Variants in CNBD1 observed in about 807,000 individuals in gnomAD.
CNBD1 encodes the protein cyclic nucleotide binding domain containing 1.
A neutral mutation model predicts 54.4 loss-of-function variants in CNBD1; 71 were observed. That is an observed-to-expected ratio of 1.30 (90% CI 1.08 to 1.59). The LOEUF (loss-of-function observed/expected upper bound fraction) is 1.59. Ranked by LOEUF, CNBD1 falls within the 40% of genes most tolerant of loss-of-function variation. The pLI is 0.00. For synonymous variants in CNBD1, 182 were observed against 170.7 expected (o/e 1.07, Z -0.51); for missense variants, 659 against 518.0 (o/e 1.27, Z -2.64).
intron 8 of CNBD1, among the ~76,000 whole-genome samples, chr8:87,291,942 T>G (rs1056469250): frequency 2.0e-5 from 3 of 152,192 alleles, no homozygotes; most frequent in Non-Finnish European, 2.9e-5. Context: ...ATATTGTTGA[T>G]GAGTGAATGA....
At chr8:87,309,315 C>T (rs142714448) in intron 8 of CNBD1, among the ~76,000 whole-genome samples, 2 of 152,078 alleles carry the variant, frequency 1.3e-5, no homozygotes, top group Non-Finnish European at 1.5e-5. Context: ...ATTACCAAAT[C>T]ATCTCTGCTT....
At chr8:87,231,850 C>T (rs572591480) in intron 5 of CNBD1, among the ~76,000 whole-genome samples, 9 of 152,012 alleles carry the variant, frequency 5.9e-5, no homozygotes, top group Non-Finnish European at 1.2e-4. Context: ...AATACTGTAT[C>T]CCAGATCCTT....
chr8:87,323,677 G>T (rs926280391), intron 8 of CNBD1, among the ~76,000 whole-genome samples: 1 of 135,830 alleles, frequency 7.4e-6, no homozygotes, highest in African/African-American at 2.7e-5. Flanking sequence ...TGCTGAAGTT[G>T]CTTATCAGCT....
At chr8:86,952,464 T>C (rs986786267) in intron 4 of CNBD1, among the ~76,000 whole-genome samples, 3 of 152,134 alleles carry the variant, frequency 2.0e-5, no homozygotes, top group Non-Finnish European at 2.9e-5. Flanking sequence ...GTACCATTTA[T>C]GGAATGGAGA....
chr8:87,043,865 T>C (rs1268851778), intron 4 of CNBD1, among the ~76,000 whole-genome samples: 5 of 152,228 alleles, frequency 3.3e-5, no homozygotes, highest in African/African-American at 1.2e-4. Context: ...TGCTATTTCA[T>C]CCCTGCCCTG....
chr8:87,422,723 G>C (rs1329270927), intron 2 of CNBD1, among the ~76,000 whole-genome samples: 1 of 152,106 alleles, frequency 6.6e-6, no homozygotes, highest in Non-Finnish European at 1.5e-5. Flanking sequence ...CTCCAGCTTT[G>C]TTCTTTTGGC....
intron 4 of CNBD1, among the ~76,000 whole-genome samples, chr8:87,193,219 G>C (rs1474335645): frequency 2.0e-5 from 3 of 152,148 alleles, no homozygotes; most frequent in Non-Finnish European, 4.4e-5. Flanking sequence ...TGAGCCTCAT[G>C]TTAATATTTG....
At chr8:87,335,592 G>A (rs182145719) in intron 8 of CNBD1, among the ~76,000 whole-genome samples, 11 of 151,650 alleles carry the variant, frequency 7.3e-5, no homozygotes, top group African/African-American at 2.2e-4. Flanking sequence ...TTGAGCCTAC[G>A]TGTGTCTTTG....
chr8:87,224,430 G>A (rs1194865777), intron 5 of CNBD1, among the ~76,000 whole-genome samples: 1 of 151,642 alleles, frequency 6.6e-6, no homozygotes. Flanking sequence ...TAAGGCGTAA[G>A]GAAGGGATCC....
At chr8:87,310,355 A>T (rs796216344) in intron 8 of CNBD1, among the ~76,000 whole-genome samples, 2 of 152,154 alleles carry the variant, frequency 1.3e-5, no homozygotes, top group African/African-American at 4.8e-5. Flanking sequence ...ACACTGTCTT[A>T]AAAAAATGCA....
At chr8:87,053,186 T>C (rs1194687701) in intron 4 of CNBD1, among the ~76,000 whole-genome samples, 1 of 152,244 alleles carries the variant, frequency 6.6e-6, no homozygotes, top group Admixed American at 6.5e-5. Context: ...ATTTGGGTTG[T>C]GTCGCAGGAC....
chr8:87,154,583 T>C (rs1812675316), intron 4 of CNBD1, among the ~76,000 whole-genome samples: 1 of 152,204 alleles, frequency 6.6e-6, no homozygotes, highest in Non-Finnish European at 1.5e-5. Flanking sequence ...TGCCTATTAG[T>C]GCAGTAAGGG....
At chr8:87,095,745 C>T (rs1811304846) in intron 4 of CNBD1, among the ~76,000 whole-genome samples, 2 of 152,154 alleles carry the variant, frequency 1.3e-5, no homozygotes, top group Admixed American at 6.5e-5. Context: ...GAAAGCTCTG[C>T]CTCCTGGGTT....
At chr8:87,371,548 A>G (rs984976161) in intron 10 of CNBD1, among the ~76,000 whole-genome samples, 4 of 152,004 alleles carry the variant, frequency 2.6e-5, no homozygotes, top group Non-Finnish European at 1.5e-5. Flanking sequence ...AGAGAATTTT[A>G]GACCAATATC....
chr8:87,327,397 C>T (rs1488649050), intron 8 of CNBD1, among the ~76,000 whole-genome samples: 1 of 152,002 alleles, frequency 6.6e-6, no homozygotes, highest in Admixed American at 6.6e-5. Flanking sequence ...GCGCCCCTCC[C>T]CCACCCTCGC....
chr8:87,225,181 A>G (rs1224454989), intron 5 of CNBD1, among the ~76,000 whole-genome samples: 1 of 149,290 alleles, frequency 6.7e-6, no homozygotes, highest in African/African-American at 2.5e-5. Flanking sequence ...CAATCATGTC[A>G]TCTGCAAACA....
intron 8 of CNBD1, among the ~76,000 whole-genome samples, chr8:87,319,995 A>G (rs894532832): frequency 1.3e-5 from 2 of 152,062 alleles, no homozygotes; most frequent in Admixed American, 1.3e-4. Context: ...TTCAAAAAGT[A>G]TGTCCCCTAG....
intron 4 of CNBD1, among the ~76,000 whole-genome samples, chr8:86,955,069 T>G (rs2049405063): frequency 6.7e-6 from 1 of 149,098 alleles, no homozygotes; most frequent in African/African-American, 2.5e-5. Flanking sequence ...CACCGATGAG[T>G]GAGAACATGC....
chr8:86,914,463 A>G (rs1052246532), intron 3 of CNBD1, among the ~76,000 whole-genome samples: 1 of 152,206 alleles, frequency 6.6e-6, no homozygotes, highest in African/African-American at 2.4e-5. Flanking sequence ...ATAGCAGGCT[A>G]TACCATTTAT....
Sources: allele counts gnomAD v4.1 joint callset (sites outside exome capture counted in the v4.1 genomes callset), GRCh38; gene constraint gnomAD v4.1.1; transcripts MANE v1.5; gene names NCBI Gene and HGNC (gene_info 2026-07-23, HGNC 2026-07-21).